SFTPD: variants seen among roughly 807,000 people sequenced by gnomAD.
SFTPD encodes the protein surfactant protein D.
In SFTPD, 18 loss-of-function variants were observed where a neutral mutation model predicts 34.6. The ratio of observed to expected loss-of-function variants is 0.52; its 90% CI spans 0.36 to 0.77. The LOEUF is 0.77. Ranked by LOEUF, SFTPD falls within the 30% of genes least tolerant of loss-of-function variation. SFTPD has a pLI of 0.00. For missense variants in SFTPD, 433 were observed against 468.9 expected (o/e 0.92, Z 0.71); for synonymous variants, 155 against 180.9 (o/e 0.86, Z 1.15).
intron 1 of SFTPD, chr10:79,982,012 A>G: frequency 3.4e-6 from 1 of 290,752 alleles, no homozygotes; most frequent in Non-Finnish European, 6.4e-6. Flanking sequence ...CCCCAGGAAG[A>G]GCGCGCCGGG....
intron 6 of SFTPD, 74 bp from the exon 7 acceptor site, chr10:79,940,862 G>A (rs1842604231): frequency 3.0e-6 from 3 of 989,288 alleles, no homozygotes; most frequent in East Asian, 2.4e-5. Flanking sequence ...GGGCCCCAAA[G>A]GAAGGGTGTC....
chr10:79,943,677 G>A (rs17884887), intron 2 of SFTPD, among the ~76,000 whole-genome samples: 8,349 of 152,226 alleles, frequency 0.055, 558 homozygotes, highest in East Asian at 0.39. Flanking sequence ...CTGTGCTGGC[G>A]TATCCCAGCA....
chr10:79,959,748 C>T (rs1439786425), intron 1 of SFTPD, among the ~76,000 whole-genome samples: 2 of 152,196 alleles, frequency 1.3e-5, no homozygotes, highest in Non-Finnish European at 2.9e-5. Flanking sequence ...CCTTCTGAAA[C>T]TATTCCAATC....
At chr10:79,953,054 G>T (rs560595054), upstream of SFTPD, among the ~76,000 whole-genome samples, 8 of 152,260 alleles carry the variant, frequency 5.3e-5, no homozygotes, top group Admixed American at 4.6e-4. Context: ...TTTCCTGTGG[G>T]TTCCCCAATA....
upstream of SFTPD, chr10:79,950,958 G>T (rs1312186932): frequency 6.6e-6 from 1 of 151,620 alleles, no homozygotes; most frequent in African/African-American, 2.4e-5. Context: ...TATTTCTTCT[G>T]CTTGGTCTAG....
intron 1 of SFTPD, among the ~76,000 whole-genome samples, chr10:79,980,901 A>C (rs759755169): frequency 1.1e-4 from 16 of 152,218 alleles, no homozygotes; most frequent in Non-Finnish European, 1.5e-4. Flanking sequence ...TTAAATACCT[A>C]ACTCTTTAAT....
At chr10:79,939,627 T>TC (rs1342699180) in intron 7 of SFTPD, among the ~76,000 whole-genome samples, 2 of 152,200 alleles carry the variant, frequency 1.3e-5, no homozygotes, top group East Asian at 1.9e-4. Flanking sequence ...ATGGACATGT[T>TC]CCTCTGTGTG....
At chr10:79,958,789 C>G (rs1337469398) in intron 1 of SFTPD, among the ~76,000 whole-genome samples, 1 of 152,178 alleles carries the variant, frequency 6.6e-6, no homozygotes, top group Non-Finnish European at 1.5e-5. Flanking sequence ...CTGCACCAAG[C>G]AGACCTAATA....
At chr10:79,938,835 C>T (rs1842583535) in intron 7 of SFTPD, among the ~76,000 whole-genome samples, 1 of 152,174 alleles carries the variant, frequency 6.6e-6, no homozygotes, top group African/African-American at 2.4e-5. Flanking sequence ...GGCCTCATGT[C>T]GGCCTCTTAG....
chr10:79,982,114 C>A, intron 1 of SFTPD: 1 of 312,116 alleles, frequency 3.2e-6, no homozygotes. Context: ...AGCTCCCGCG[C>A]TCGCTCCCGC....
At chr10:79,981,277 A>G (rs1276820988) in intron 1 of SFTPD, among the ~76,000 whole-genome samples, 1 of 152,172 alleles carries the variant, frequency 6.6e-6, no homozygotes, top group African/African-American at 2.4e-5. Flanking sequence ...TTGAAAATAC[A>G]CAGGGGAGTC....
intron 5 of SFTPD, among the ~76,000 whole-genome samples, chr10:79,941,715 G>C (rs182237332): frequency 6.6e-6 from 1 of 152,146 alleles, no homozygotes; most frequent in African/African-American, 2.4e-5. Flanking sequence ...AAACTGCCCC[G>C]CCACCCAACA....
chr10:79,973,671 T>C (rs1310244400), intron 1 of SFTPD, among the ~76,000 whole-genome samples: 1 of 152,090 alleles, frequency 6.6e-6, no homozygotes, highest in African/African-American at 2.4e-5. Context: ...TTCCTTGTGT[T>C]ATTTTATCAA....
intron 2 of SFTPD, among the ~76,000 whole-genome samples, chr10:79,943,533 A>C (rs1842636963): frequency 6.6e-6 from 1 of 152,176 alleles, no homozygotes; most frequent in South Asian, 2.1e-4. Flanking sequence ...AAGAGCAAGG[A>C]GAATCGAGGG....
chr10:79,937,784 T>G lies in SFTPD; in HGVS notation c.*68A>C. 1 of 1,462,420 alleles carries G rather than the reference T, an allele frequency of 6.8e-7. No homozygotes were observed. The highest frequency in any genetic ancestry group is 9.2e-7 in the Non-Finnish European group (1 of 1,091,826). The allele number at this position is 1,462,420 out of a possible 1,614,324, so 90.6% of individuals were successfully genotyped here. On this transcript the variant is annotated 3_prime_UTR_variant, in exon 8 of 8. Transcript: ENST00000372292. ...CCTTTTTATTAGGATATTGGCAGCA[T>G]GAGGGTCTAAGCCTTGACTTCTGGC...
At chr10:79,964,666 T>A (rs111482232) in intron 1 of SFTPD, among the ~76,000 whole-genome samples, 1 of 152,144 alleles carries the variant, frequency 6.6e-6, no homozygotes, top group Non-Finnish European at 1.5e-5. Flanking sequence ...TGGAAATCTA[T>A]CCTCAAAATA....
chr10:79,939,462 G>A (rs1221382400), intron 7 of SFTPD, among the ~76,000 whole-genome samples: 1 of 152,236 alleles, frequency 6.6e-6, no homozygotes, highest in Non-Finnish European at 1.5e-5. Flanking sequence ...TTGAATATAT[G>A]TGCATCTACC....
chr10:79,938,179 T>C lies in SFTPD; in HGVS notation c.801A>G (p.Thr267=). The change falls in exon 8 of 8, where the codon ACA becomes ACG. Residue 267 remains threonine (T), a synonymous_variant. Transcript: ENST00000372292. The part of the protein sequence containing the change: ...GQSVGEKIFK[T]AGFVKPFTEA... Reference sequence around the variant, plus strand: ...CCGTAAATGGTTTTACAAAGCCTGCTGTCTTGAAAATCTTCTCCCCGACAC... The same window carrying C: ...CCGTAAATGGTTTTACAAAGCCTGCCGTCTTGAAAATCTTCTCCCCGACAC... The C allele has an allele frequency of 6.2e-7, 1 of 1,605,386 alleles. No individual in the cohort carries two copies.
intron 1 of SFTPD, among the ~76,000 whole-genome samples, chr10:79,980,904 T>C (rs1842886736): frequency 6.6e-6 from 1 of 152,092 alleles, no homozygotes; most frequent in African/African-American, 2.4e-5. Context: ...AATACCTAAC[T>C]CTTTAATGCC....
Sources: gnomAD v4.1 joint callset for allele counts (sites outside exome capture counted in the v4.1 genomes callset) on GRCh38, gnomAD v4.1.1 for gene constraint, MANE v1.5 for transcripts, NCBI Gene and HGNC (gene_info 2026-07-23, HGNC 2026-07-21) for gene names.